IL1RAPL1: variants seen among roughly 807,000 people sequenced by gnomAD.
IL1RAPL1 encodes interleukin-1 receptor accessory protein-like 1.
IL1RAPL1 carries 3 observed loss-of-function variants against 48.4 expected under a neutral mutation model. The observed-to-expected ratio is 0.06, with a 90% CI of 0.03 to 0.16. The LOEUF (loss-of-function observed/expected upper bound fraction) is 0.16. Among genes scored for constraint, IL1RAPL1 ranks in the 10% least tolerant of loss-of-function variants. The pLI is 1.00. For missense variants in IL1RAPL1, 349 were observed against 530.6 expected (o/e 0.66, Z 3.36); for synonymous variants, 185 against 187.7 (o/e 0.99, Z 0.12).
intron 1 of IL1RAPL1, among the ~76,000 whole-genome samples, chrX:28,631,085 A>G (rs1934394932): frequency 1.8e-5 from 2 of 111,818 alleles, no homozygotes; most frequent in Admixed American, 9.5e-5. Context: ...AAGGAAGGGT[A>G]TGTCACTGAG....
intron 1 of IL1RAPL1, among the ~76,000 whole-genome samples, chrX:28,613,647 G>A (rs749090284): frequency 3.1e-4 from 35 of 112,456 alleles, no homozygotes; most frequent in African/African-American, 1.1e-3. Flanking sequence ...TCCAGGGAAG[G>A]TGACTGTCTT....
intron 2 of IL1RAPL1, among the ~76,000 whole-genome samples, chrX:29,048,845 A>G (rs1039846105): frequency 8.9e-6 from 1 of 112,375 alleles, no homozygotes; most frequent in South Asian, 3.7e-4. Context: ...ATGAACCACA[A>G]AGGAAGAAAA....
chrX:28,737,053 T>A (rs1164985562), intron 1 of IL1RAPL1, among the ~76,000 whole-genome samples: 7 of 23,668 alleles, frequency 3.0e-4, no homozygotes, highest in Non-Finnish European at 5.3e-4. Flanking sequence ...TTTCCTTTTC[T>A]TTTCTTTTCT....
At chrX:28,939,632 A>G (rs1389966556) in intron 2 of IL1RAPL1, among the ~76,000 whole-genome samples, 1 of 111,047 alleles carries the variant, frequency 9.0e-6, no homozygotes, top group Non-Finnish European at 1.9e-5. Context: ...CTCCTGTGAC[A>G]TGAGTGCACC....
At chrX:28,924,257 CTG>C (rs1397482356) in intron 2 of IL1RAPL1, 1 of 112,144 alleles carries the variant, frequency 8.9e-6, no homozygotes, top group Admixed American at 9.5e-5. Flanking sequence ...AAGAAGGAAT[CTG>C]TGGTTTATCA....
intron 2 of IL1RAPL1, among the ~76,000 whole-genome samples, chrX:29,229,017 T>G (rs1188204373): frequency 9.0e-6 from 1 of 111,655 alleles, no homozygotes; most frequent in Non-Finnish European, 1.9e-5. Context: ...TATATTCAAC[T>G]CTGGGTTTCT....
intron 2 of IL1RAPL1, among the ~76,000 whole-genome samples, chrX:29,193,226 G>T (rs1930383977): frequency 9.1e-6 from 1 of 110,323 alleles, no homozygotes; most frequent in Admixed American, 9.7e-5. Flanking sequence ...AATTGTCAGT[G>T]TTGTTAATAT....
At chrX:29,585,946 A>G (rs982132108) in intron 5 of IL1RAPL1, among the ~76,000 whole-genome samples, 8 of 111,982 alleles carry the variant, frequency 7.1e-5, no homozygotes. Context: ...TTAACTCTTT[A>G]TCAGATAAAT....
At chrX:29,213,300 A>C (rs150985602) in intron 2 of IL1RAPL1, among the ~76,000 whole-genome samples, 1,501 of 112,396 alleles carry the variant, frequency 0.013, 18 homozygotes, top group Non-Finnish European at 0.021. Flanking sequence ...GCCTGGCCAG[A>C]ATTAGACAAC....
intron 3 of IL1RAPL1, among the ~76,000 whole-genome samples, chrX:29,306,355 C>A (rs1361574583): frequency 9.3e-6 from 1 of 107,532 alleles, no homozygotes; most frequent in East Asian, 2.9e-4. Flanking sequence ...ATGGTGAAAC[C>A]CCATCTCTAC....
chrX:29,845,000 A>C (rs1468949472), intron 6 of IL1RAPL1, among the ~76,000 whole-genome samples: 1 of 111,981 alleles, frequency 8.9e-6, no homozygotes, highest in Admixed American at 9.5e-5. Flanking sequence ...GTGGGCAACC[A>C]CCAGAAGCTA....
chrX:29,606,282 G>GA (rs1223107525), intron 5 of IL1RAPL1, among the ~76,000 whole-genome samples: 2 of 111,323 alleles, frequency 1.8e-5, no homozygotes, highest in South Asian at 3.8e-4. Context: ...GTCTATGAAT[G>GA]AAAAAAAATG....
At chrX:29,126,809 T>C (rs2147480873) in intron 2 of IL1RAPL1, among the ~76,000 whole-genome samples, 1 of 112,138 alleles carries the variant, frequency 8.9e-6, no homozygotes, top group East Asian at 2.8e-4. Context: ...ATTTTTATAG[T>C]ACCTCAGATA....
intron 3 of IL1RAPL1, among the ~76,000 whole-genome samples, chrX:29,359,219 T>C (rs894518201): frequency 8.9e-6 from 1 of 111,785 alleles, no homozygotes; most frequent in African/African-American, 3.3e-5. Flanking sequence ...CTTACTTTCA[T>C]TATTTTAGCC....
intron 2 of IL1RAPL1, among the ~76,000 whole-genome samples, chrX:28,835,159 T>G (rs112655054): frequency 0.016 from 1,808 of 111,284 alleles, 37 homozygotes; most frequent in African/African-American, 0.056. Context: ...GATATCACGT[T>G]AATATCTGGA....
intron 2 of IL1RAPL1, among the ~76,000 whole-genome samples, chrX:28,973,254 C>A (rs1244706043): frequency 8.9e-6 from 1 of 112,133 alleles, no homozygotes; most frequent in Non-Finnish European, 1.9e-5. Flanking sequence ...CAGTGATTGT[C>A]CCATCAAACA....
At chrX:28,964,617 T>G (rs143793825) in intron 2 of IL1RAPL1, among the ~76,000 whole-genome samples, 87 of 111,892 alleles carry the variant, frequency 7.8e-4, no homozygotes, top group African/African-American at 2.7e-3. Context: ...ATTTCCAAAT[T>G]ATTCCCCCAA....
chrX:29,336,290 ATG>A (rs1932994324), intron 3 of IL1RAPL1, among the ~76,000 whole-genome samples: 1 of 45,574 alleles, frequency 2.2e-5, no homozygotes, highest in African/African-American at 6.4e-5. Flanking sequence ...ATATATATAT[ATG>A]CACCGTTTTG....
intron 3 of IL1RAPL1, among the ~76,000 whole-genome samples, chrX:29,330,937 CG>C (rs1204564002): frequency 9.0e-6 from 1 of 111,420 alleles, no homozygotes; most frequent in Non-Finnish European, 1.9e-5. Flanking sequence ...GAGGCCAAGG[CG>C]GGCAGATCAC....
Sources: allele counts gnomAD v4.1 joint callset (sites outside exome capture counted in the v4.1 genomes callset), GRCh38; gene constraint gnomAD v4.1.1; transcripts MANE v1.5; gene names NCBI Gene and HGNC (gene_info 2026-07-23, HGNC 2026-07-21).